The following PCDH15 variants were observed in gnomAD, a reference collection of about 807,000 sequenced individuals.
PCDH15 encodes the protein protocadherin related 15.
PCDH15 carries 129 observed loss-of-function variants against 178.5 expected under a neutral mutation model. That is an observed-to-expected ratio of 0.72 (90% confidence interval 0.63 to 0.84). The LOEUF (loss-of-function observed/expected upper bound fraction) is 0.84, where lower values mean the gene tolerates loss of function less well. Ranked by LOEUF, PCDH15 falls within the 40% of genes least tolerant of loss-of-function variation. The pLI, the probability that PCDH15 is intolerant of heterozygous loss-of-function variation, is 0.00. For missense variants in PCDH15, 2,230 were observed against 2,099.9 expected, an observed-to-expected ratio of 1.06 and a Z score of -1.21; for synonymous variants, 800 against 732.0, an observed-to-expected ratio of 1.09 and a Z score of -1.50.
chr10:53,941,345 C>T (rs566563344), intron 23 of PCDH15, among the ~76,000 whole-genome samples: 82 of 152,256 alleles, frequency 5.4e-4, no homozygotes, highest in Non-Finnish European at 9.4e-4. Context: ...CTCAACTCAA[C>T]CTCTGGCAAC....
chr10:55,602,316 C>T (rs912884088), intron 2 of PCDH15, among the ~76,000 whole-genome samples: 1 of 150,940 alleles, frequency 6.6e-6, no homozygotes, highest in African/African-American at 2.4e-5. Context: ...GGGGGAGGGG[C>T]GCCCACAATT....
At chr10:54,103,241 C>T (rs927243139) in intron 15 of PCDH15, among the ~76,000 whole-genome samples, 7 of 152,124 alleles carry the variant, frequency 4.6e-5, no homozygotes, top group Non-Finnish European at 1.0e-4. Flanking sequence ...ATGCAGTAGG[C>T]TTCCTATTAA....
At chr10:54,223,215 G>A (rs1394462189) in intron 9 of PCDH15, among the ~76,000 whole-genome samples, 1 of 150,318 alleles carries the variant, frequency 6.7e-6, no homozygotes, top group Non-Finnish European at 1.5e-5. Context: ...GAGGCTGAGG[G>A]AGGAGAATTG....
intron 1 of PCDH15, among the ~76,000 whole-genome samples, chr10:55,308,481 T>C (rs1843489080): frequency 1.3e-5 from 2 of 152,198 alleles, no homozygotes; most frequent in Admixed American, 1.3e-4. Flanking sequence ...GTTGTTAATC[T>C]CATTATTTTG....
chr10:54,509,304 G>T (rs774030213), intron 3 of PCDH15, among the ~76,000 whole-genome samples: 23 of 152,022 alleles, frequency 1.5e-4, no homozygotes, highest in Admixed American at 7.9e-4. Context: ...TCGTGGTAGT[G>T]AATAAGTCTC....
intron 2 of PCDH15, among the ~76,000 whole-genome samples, chr10:54,971,724 C>G (rs1838937554): frequency 6.6e-6 from 1 of 152,172 alleles, no homozygotes; most frequent in Admixed American, 6.5e-5. Flanking sequence ...GAATCTACAA[C>G]TATATTTGGC....
chr10:54,439,489 G>A (rs2075659085), intron 3 of PCDH15, among the ~76,000 whole-genome samples: 1 of 151,958 alleles, frequency 6.6e-6, no homozygotes, highest in South Asian at 2.1e-4. Context: ...TTTTCATGTG[G>A]CCACACTGAA....
chr10:54,544,889 G>T (rs2085672791), intron 2 of PCDH15, among the ~76,000 whole-genome samples: 1 of 152,056 alleles, frequency 6.6e-6, no homozygotes, highest in Non-Finnish European at 1.5e-5. Flanking sequence ...TTATTCTGTT[G>T]TTAGACTTTA....
At chr10:54,281,583 T>C (rs1266434516) in intron 8 of PCDH15, among the ~76,000 whole-genome samples, 3 of 152,090 alleles carry the variant, frequency 2.0e-5, no homozygotes, top group Non-Finnish European at 4.4e-5. Flanking sequence ...AAGTCATTAC[T>C]AAATGTGTTT....
At chr10:54,086,770 T>C (rs2094523570) in intron 16 of PCDH15, among the ~76,000 whole-genome samples, 1 of 152,206 alleles carries the variant, frequency 6.6e-6, no homozygotes, top group Non-Finnish European at 1.5e-5. Flanking sequence ...TGTTCTGCTT[T>C]AGCTTTCCTG....
At chr10:54,167,647 A>G (rs1344191608) in intron 13 of PCDH15, among the ~76,000 whole-genome samples, 1 of 151,580 alleles carries the variant, frequency 6.6e-6, no homozygotes, top group East Asian at 1.9e-4. Context: ...CTTTTCTGGG[A>G]GAGGGGCAAG....
chr10:54,567,134 T>C (rs2089163426), intron 2 of PCDH15, among the ~76,000 whole-genome samples: 5 of 152,176 alleles, frequency 3.3e-5, no homozygotes. Context: ...ATATCTTCTT[T>C]GGTTAGGTGA....
intron 3 of PCDH15, among the ~76,000 whole-genome samples, chr10:54,392,300 C>A (rs1423552394): frequency 6.7e-6 from 1 of 149,794 alleles, no homozygotes; most frequent in Non-Finnish European, 1.5e-5. Context: ...CCCATCTGTA[C>A]TTAAAATACA....
chr10:55,038,596 G>A (rs555592595), intron 2 of PCDH15, among the ~76,000 whole-genome samples: 31 of 152,158 alleles, frequency 2.0e-4, no homozygotes, highest in Non-Finnish European at 3.7e-4. Flanking sequence ...TAAAGCTTCT[G>A]AGAAAGTGGG....
chr10:55,243,658 T>C (rs1458291093), intron 1 of PCDH15, among the ~76,000 whole-genome samples: 5 of 152,168 alleles, frequency 3.3e-5, no homozygotes, highest in Non-Finnish European at 7.4e-5. Flanking sequence ...AAGGACAAAA[T>C]AAATGTTAAA....
At chr10:54,479,366 T>G (rs2078529683) in intron 3 of PCDH15, among the ~76,000 whole-genome samples, 1 of 152,018 alleles carries the variant, frequency 6.6e-6, no homozygotes, top group Non-Finnish European at 1.5e-5. Flanking sequence ...TATTTATGCT[T>G]AAAACTTAAA....
chr10:55,257,085 G>C (rs1037142984), intron 1 of PCDH15, among the ~76,000 whole-genome samples: 2 of 152,186 alleles, frequency 1.3e-5, no homozygotes, highest in Non-Finnish European at 2.9e-5. Context: ...CTGTTCTGCA[G>C]CCTCCGCTGC....
At chr10:54,295,159 T>C (rs1206191115) in intron 8 of PCDH15, among the ~76,000 whole-genome samples, 1 of 152,166 alleles carries the variant, frequency 6.6e-6, no homozygotes. Context: ...CCAGCTGAGC[T>C]TCTGGGCCGG....
intron 5 of PCDH15, among the ~76,000 whole-genome samples, chr10:54,357,411 C>T (rs564596773): frequency 6.7e-4 from 102 of 152,290 alleles, no homozygotes; most frequent in Admixed American, 1.4e-3. Context: ...CTCCCATTCA[C>T]AACTGCTTCA....
Sources: allele counts gnomAD v4.1 joint callset (sites outside exome capture counted in the v4.1 genomes callset), GRCh38; gene constraint gnomAD v4.1.1; transcripts MANE v1.5; gene names NCBI Gene and HGNC (gene_info 2026-07-23, HGNC 2026-07-21).